The following C12orf42 variants were observed in gnomAD, a reference collection of about 807,000 sequenced individuals.
The protein encoded by C12orf42 is uncharacterized protein C12orf42.
A neutral mutation model predicts 21.6 loss-of-function variants in C12orf42; 25 were observed. The observed-to-expected ratio is 1.16, with a 90% CI of 0.84 to 1.62. The LOEUF (loss-of-function observed/expected upper bound fraction) is 1.62. Ranked by LOEUF, C12orf42 falls within the 40% of genes most tolerant of loss-of-function variation. The probability of loss-of-function intolerance (pLI) is 0.00; values close to 1 mark genes in which losing one functional copy is unlikely to be tolerated. For synonymous variants in C12orf42, 174 were observed against 175.0 expected, an observed-to-expected ratio of 0.99 and a Z score of 0.05; for missense variants, 483 against 459.3, an observed-to-expected ratio of 1.05 and a Z score of -0.47.
chr12:103,436,372 T>A (rs1388996234), intron 2 of C12orf42, among the ~76,000 whole-genome samples: 2 of 151,590 alleles, frequency 1.3e-5, no homozygotes. Flanking sequence ...GCTAACATCA[T>A]AATGACAGGA....
At chr12:103,543,415 C>A in the C12orf42 span, among the ~76,000 whole-genome samples, 1 of 151,806 alleles carries the variant, frequency 6.6e-6, no homozygotes, top group African/African-American at 2.4e-5. Context: ...TTGAGACCAG[C>A]CTAGGCAACA....
intron 4 of C12orf42, among the ~76,000 whole-genome samples, chr12:103,324,443 G>A (rs931012736): frequency 6.6e-6 from 1 of 152,116 alleles, no homozygotes; most frequent in Non-Finnish European, 1.5e-5. Flanking sequence ...AAGCATTCTT[G>A]AAAACAAATT....
chr12:103,481,803 T>C (rs531305951), intron 1 of C12orf42, among the ~76,000 whole-genome samples: 49 of 151,372 alleles, frequency 3.2e-4, no homozygotes, highest in Non-Finnish European at 6.2e-4. Flanking sequence ...GTTTTTTGTT[T>C]GGGTTTTTTT....
chr12:103,402,982 A>G (rs749455433), intron 2 of C12orf42, among the ~76,000 whole-genome samples: 3 of 152,172 alleles, frequency 2.0e-5, no homozygotes, highest in Non-Finnish European at 4.4e-5. Flanking sequence ...TGGGACCCCC[A>G]TTATGTCCTC....
intron 10 of C12orf42, among the ~76,000 whole-genome samples, chr12:103,256,107 TATATACACACACACACACACACAC>T (rs2034584501): frequency 2.6e-5 from 1 of 39,056 alleles, no homozygotes; most frequent in Non-Finnish European, 4.9e-5. Flanking sequence ...TATATATATA[TATATACACACACACACACACACAC>T]ACACACACAC....
chr12:103,523,525 T>C, the C12orf42 span, among the ~76,000 whole-genome samples: 2 of 151,878 alleles, frequency 1.3e-5, no homozygotes, highest in East Asian at 1.9e-4. Context: ...AGTTGCTTAA[T>C]GATAGCTTCT....
Position 103,302,531 on chromosome 12 carries a change from G to C in C12orf42, c.660C>G (p.Ile220Met), listed in dbSNP as rs763470684. The C allele has an allele frequency of 6.2e-7, 1 of 1,610,644 alleles. No homozygotes were observed. Residue 220 changes from isoleucine to methionine, a missense_variant, in exon 6 of 6, where the codon ATC becomes ATG. Coordinates refer to ENST00000548883, the MANE Select transcript of C12orf42 (RefSeq NM_198521.5). ...GCGTCTGGCTCCTCCTGCAGAGGCC[G>C]ATGGCAGTGGAAGGTCTGGCGGCAG... ...SGSAARPSTAIGLCRRSQTPG... is the reference protein window; with the variant it reads ...SGSAARPSTAMGLCRRSQTPG...
the C12orf42 span, among the ~76,000 whole-genome samples, chr12:103,062,080 C>G: frequency 6.6e-6 from 1 of 151,934 alleles, no homozygotes; most frequent in Non-Finnish European, 1.5e-5. Flanking sequence ...AATGGTTTCA[C>G]CACTTCCAAG....
chr12:103,187,862 T>G, the C12orf42 span, among the ~76,000 whole-genome samples: 1 of 152,222 alleles, frequency 6.6e-6, no homozygotes, highest in East Asian at 1.9e-4. Context: ...ATCATTTATT[T>G]GTGTGTGCCT....
chr12:103,476,584 G>A (rs575734223), intron 2 of C12orf42, among the ~76,000 whole-genome samples: 35 of 152,262 alleles, frequency 2.3e-4, no homozygotes, highest in African/African-American at 7.9e-4. Context: ...AAAACCACTT[G>A]GTGGGAATGG....
the C12orf42 span, among the ~76,000 whole-genome samples, chr12:103,067,266 A>G: frequency 6.6e-6 from 1 of 152,182 alleles, no homozygotes; most frequent in Non-Finnish European, 1.5e-5. Context: ...GACTCACAGA[A>G]TGCCTTATCC....
At chr12:103,494,942 G>A in intron 1 of C12orf42, among the ~76,000 whole-genome samples, 1 of 152,074 alleles carries the variant, frequency 6.6e-6, no homozygotes, top group Non-Finnish European at 1.5e-5. Context: ...TTCCAGAAAG[G>A]AAGACCAAAA....
At chr12:103,250,335 A>G (rs558952333) in intron 10 of C12orf42, among the ~76,000 whole-genome samples, 96 of 152,014 alleles carry the variant, frequency 6.3e-4, no homozygotes, top group African/African-American at 2.2e-3. Context: ...TGTGGTTGCA[A>G]GACGGCTTCC....
In C12orf42 at chr12:103,401,598, C is replaced by A; in HGVS notation, c.147+9G>T. The A allele has an allele frequency of 6.2e-7, 1 of 1,613,412 alleles. No homozygotes were observed. The highest frequency in any genetic ancestry group is 8.5e-7 in the Non-Finnish European group (1 of 1,179,384). Reference sequence around the variant, plus strand: ...GAGCAGCCCTGCACATAACATTCCGCTGACTCACCTTTGCACTGGGTGTGC... The same window carrying A: ...GAGCAGCCCTGCACATAACATTCCGATGACTCACCTTTGCACTGGGTGTGC... On this transcript the variant is annotated intron_variant, in intron 3 of 5. Transcript: ENST00000548883.
At chr12:103,379,604 C>A (rs574509960) in intron 3 of C12orf42, among the ~76,000 whole-genome samples, 3 of 152,138 alleles carry the variant, frequency 2.0e-5, no homozygotes, top group African/African-American at 7.2e-5. Context: ...GGGTTTGGAT[C>A]GTGCTTGGAC....
chr12:103,333,841 G>C (rs1481930761), intron 4 of C12orf42, among the ~76,000 whole-genome samples: 1 of 152,164 alleles, frequency 6.6e-6, no homozygotes, highest in Admixed American at 6.5e-5. Flanking sequence ...ATTTCTCTTT[G>C]TGGGGAGTTA....
intron 1 of C12orf42, among the ~76,000 whole-genome samples, chr12:103,491,224 C>T (rs1955164497): frequency 6.6e-6 from 1 of 152,282 alleles, no homozygotes; most frequent in Middle Eastern, 3.4e-3. Flanking sequence ...AGGTCATCCA[C>T]CTCTCCTTGA....
chr12:103,394,176 A>T (rs982175851), intron 3 of C12orf42, among the ~76,000 whole-genome samples: 3 of 152,256 alleles, frequency 2.0e-5, no homozygotes, highest in African/African-American at 7.2e-5. Flanking sequence ...TCTCAGAAAC[A>T]GCAGGAGTTA....
intron 2 of C12orf42, among the ~76,000 whole-genome samples, chr12:103,469,798 T>C (rs1160608638): frequency 4.6e-5 from 7 of 152,228 alleles, no homozygotes; most frequent in Admixed American, 1.3e-4. Flanking sequence ...TTCAGCCACG[T>C]GGTAGGAGAG....
Sources: allele counts gnomAD v4.1 joint callset (sites outside exome capture counted in the v4.1 genomes callset), GRCh38; gene constraint gnomAD v4.1.1; transcripts MANE v1.5; gene names NCBI Gene and HGNC (gene_info 2026-07-23, HGNC 2026-07-21).